The following OLFM1 variants were observed in gnomAD, a reference collection of about 807,000 sequenced individuals.
The protein encoded by OLFM1 is noelin.
OLFM1 carries 9 observed loss-of-function variants against 49.7 expected under a neutral mutation model. That is an observed-to-expected ratio of 0.18 (90% confidence interval 0.11 to 0.32). The LOEUF (loss-of-function observed/expected upper bound fraction) is 0.32. OLFM1 is among the 10% of genes least tolerant of loss of function. The pLI, the probability that OLFM1 is intolerant of heterozygous loss-of-function variation, is 1.00. For synonymous variants in OLFM1, 240 were observed against 271.8 expected, an observed-to-expected ratio of 0.88 and a Z score of 1.15; for missense variants, 369 against 661.8, an observed-to-expected ratio of 0.56 and a Z score of 4.85.
intron 4 of OLFM1, among the ~76,000 whole-genome samples, chr9:135,101,536 G>C (rs970934555): frequency 6.6e-6 from 1 of 152,224 alleles, no homozygotes. Flanking sequence ...GGCATTATAT[G>C]ATTTTCCTAA....
intron 1 of OLFM1, among the ~76,000 whole-genome samples, chr9:135,082,077 G>T (rs1830540175): frequency 1.3e-5 from 2 of 152,252 alleles, no homozygotes; most frequent in African/African-American, 4.8e-5. Context: ...GGCAGCTGCA[G>T]TGTTAGCAGA....
At chr9:135,105,246 G>A (rs977268281) in intron 4 of OLFM1, among the ~76,000 whole-genome samples, 2 of 152,256 alleles carry the variant, frequency 1.3e-5, no homozygotes, top group African/African-American at 4.8e-5. Flanking sequence ...TCTTCCAATC[G>A]GGGCAGAGGC....
At chr9:135,081,582 A>C (rs665748) in intron 1 of OLFM1, among the ~76,000 whole-genome samples, 129,717 of 152,086 alleles carry the variant, frequency 0.85, 55,717 homozygotes, top group Middle Eastern at 0.9. Flanking sequence ...GTGCCTGCCC[A>C]GCTGCCTCAG....
At chr9:135,076,677 G>A (rs1830470426) in intron 1 of OLFM1, 2 of 1,323,748 alleles carry the variant, frequency 1.5e-6, no homozygotes, top group South Asian at 1.6e-5. Context: ...ATGCCACTGT[G>A]CCACGCTCTG....
chr9:135,119,134 C>T (rs1207970725), intron 5 of OLFM1, among the ~76,000 whole-genome samples: 2 of 150,608 alleles, frequency 1.3e-5, no homozygotes, highest in Admixed American at 6.6e-5. Context: ...TTGGAGTACT[C>T]GTTGTGTCTT....
upstream of OLFM1, among the ~76,000 whole-genome samples, chr9:135,085,764 T>C (rs1356403675): frequency 1.3e-5 from 2 of 152,276 alleles, no homozygotes; most frequent in Admixed American, 6.5e-5. Flanking sequence ...GAATGCTCCA[T>C]GGCCTTCTAA....
exon 1 of OLFM1, chr9:135,075,702 C>G: frequency 9.4e-6 from 15 of 1,591,404 alleles, no homozygotes; most frequent in Non-Finnish European, 1.1e-5. Context: ...CACCCAGGGC[C>G]CTGCATGCCA....
At chr9:135,076,149 G>T in intron 1 of OLFM1, 1 of 1,550,032 alleles carries the variant, frequency 6.5e-7, no homozygotes, top group East Asian at 2.4e-5. Context: ...GGAAGAGTGA[G>T]AGCCGGATAG....
At chr9:135,097,764 C>T in intron 3 of OLFM1, 1 of 1,608,464 alleles carries the variant, frequency 6.2e-7, no homozygotes, top group Non-Finnish European at 8.5e-7. Flanking sequence ...AACGGTATTT[C>T]ATTTTCTTAC....
chr9:135,089,433 A>G (rs1001041796), intron 1 of OLFM1, among the ~76,000 whole-genome samples: 1 of 152,152 alleles, frequency 6.6e-6, no homozygotes, highest in African/African-American at 2.4e-5. Context: ...GCTGGGCTGC[A>G]AGGTTAGACC....
At chr9:135,119,320 G>A (rs1017127805) in intron 5 of OLFM1, among the ~76,000 whole-genome samples, 184 bp from the exon 6 acceptor site, 2 of 139,318 alleles carry the variant, frequency 1.4e-5, no homozygotes, top group South Asian at 2.2e-4. Flanking sequence ...GTACTCACTG[G>A]ATCTTTGGAA....
chr9:135,097,666 C>T (rs1830819215), intron 3 of OLFM1: 1 of 856,234 alleles, frequency 1.2e-6, no homozygotes, highest in Admixed American at 1.8e-5. Context: ...CTAACTCGAG[C>T]ATTACAGTGG....
At chr9:135,077,049 A>G (rs1588198721) in intron 1 of OLFM1, 1 of 1,502,568 alleles carries the variant, frequency 6.7e-7, no homozygotes, top group Non-Finnish European at 8.8e-7. Context: ...CCTCCTGGAG[A>G]GGTTCTGCAT....
intron 4 of OLFM1, chr9:135,105,843 C>T (rs1830934692): frequency 6.6e-6 from 1 of 152,376 alleles, no homozygotes; most frequent in East Asian, 1.9e-4. Context: ...CTGTTAGAAT[C>T]AGGAGCGTTT....
intron 4 of OLFM1, among the ~76,000 whole-genome samples, chr9:135,099,634 T>C (rs1349615407): frequency 6.6e-6 from 1 of 152,238 alleles, no homozygotes; most frequent in African/African-American, 2.4e-5. Context: ...AAGCTTTAAA[T>C]TCCCCAGTCC....
chr9:135,088,988 C>T lies in OLFM1; in HGVS notation c.150+849C>T, dbSNP rs531639326. Among the ~76,000 whole-genome samples, 162 of 152,316 alleles carry T rather than the reference C, an allele frequency of 1.1e-3. No homozygotes were observed. The highest frequency in any genetic ancestry group is 3.7e-3 in the African/African-American group (155 of 41,580). On this transcript the variant is annotated intron_variant, in intron 1 of 5. Transcript: ENST00000371793. This position sits in a 1 kb window ranked among gnomAD's most constrained non-coding sequence, Gnocchi z 4.8. ...CCCGGAGGGCCGCGCGGGGAAGGGG[C>T]CGCTGCCGGGAAGGCGCGCCCCAGA...
At chr9:135,084,615 C>T (rs1339322148), upstream of OLFM1, among the ~76,000 whole-genome samples, 1 of 151,856 alleles carries the variant, frequency 6.6e-6, no homozygotes, top group Admixed American at 6.6e-5. The surrounding 1 kb of genome is among the most constrained non-coding windows in gnomAD (Gnocchi z 4.6). Context: ...TCTTCTTCTC[C>T]CCTTCTCCCT....
chr9:135,084,403 CCTCT>C (rs554195510), upstream of OLFM1, among the ~76,000 whole-genome samples: 51 of 147,780 alleles, frequency 3.5e-4, no homozygotes, highest in Admixed American at 4.0e-4. The surrounding 1 kb of genome is among the most constrained non-coding windows in gnomAD (Gnocchi z 4.6). Flanking sequence ...TATTATCTCT[CCTCT>C]CTGTCTCTCT....
rs960549852 is a variant in OLFM1 at position 135,113,101 on chromosome 9, G to A, written c.783+6246G>A. ...CTAATGCACAGAGCATGTGGCAGCT[G>A]GCACAGCTGGCCATGTGACCCTGAG... On this transcript the variant is annotated intron_variant, in intron 5 of 5. Coordinates refer to ENST00000371793, the MANE Select transcript of OLFM1 (RefSeq NM_001282611.2). This position sits in a 1 kb window ranked among gnomAD's most constrained non-coding sequence, Gnocchi z 4.0. Among the ~76,000 whole-genome samples the A allele has an allele frequency of 6.6e-6, 1 of 152,154 alleles. No homozygotes were observed. Among genetic ancestry groups the A allele is most frequent in the South Asian group, 2.1e-4 (1 of 4,828 alleles).
Sources: gnomAD v4.1 joint callset for allele counts (sites outside exome capture counted in the v4.1 genomes callset) on GRCh38, gnomAD v4.1.1 for gene constraint, Gnocchi (gnomAD v3.1) non-coding constraint, MANE v1.5 for transcripts, NCBI Gene and HGNC (gene_info 2026-07-23, HGNC 2026-07-21) for gene names.